EML2: variants seen among roughly 807,000 people sequenced by gnomAD.
The protein encoded by EML2 is echinoderm microtubule-associated protein-like 2.
In EML2, 59 loss-of-function variants were observed where a neutral mutation model predicts 84.7. That is an observed-to-expected ratio of 0.70 (90% CI 0.56 to 0.86). The LOEUF is 0.86. Ranked by LOEUF, EML2 falls within the 40% of genes least tolerant of loss-of-function variation. The pLI is 0.00. For missense variants in EML2, 818 were observed against 855.6 expected, an observed-to-expected ratio of 0.96 and a Z score of 0.55; for synonymous variants, 352 against 348.9, an observed-to-expected ratio of 1.01 and a Z score of -0.10.
upstream of EML2, among the ~76,000 whole-genome samples, chr19:45,644,304 C>T (rs972342311): frequency 6.6e-6 from 1 of 152,112 alleles, no homozygotes; most frequent in Non-Finnish European, 1.5e-5. Context: ...ACTTGTTACA[C>T]GGACACACAG....
Position 45,609,691 on chromosome 19 carries a change from G to C in EML2, c.1922C>G (p.Thr641Ser). ...GACCACCCGCCACTGTAGCACACTG[G>C]TGTCCTTGCCCCCTGTGGTCAGGGC... Reference protein sequence around the residue: ...SMALTTGGKDTSVLQWRVV With the variant: ...SMALTTGGKDSSVLQWRVV Residue 641 changes from threonine (T) to serine (S), a missense_variant, in exon 19 of 19, where the codon ACC (threonine) becomes AGC (serine). Physicochemically the swap from Thr to Ser is moderately conservative, Grantham distance 58. Coordinates refer to ENST00000245925, the MANE Select transcript of EML2 (RefSeq NM_012155.4). 6.2e-7 allele frequency: 1 copy of C among 1,612,598 alleles called. No homozygotes were observed. The highest frequency in any genetic ancestry group is 1.3e-5 in the African/African-American group (1 of 74,886).
In EML2 at chr19:45,633,001, G is replaced by T. The variant is rs373640013; in HGVS notation, c.400-30C>A. ...AGGGAAGAGAGGCTTGTTACCTTGG[G>T]GGTGCCAGCTGCTTGTCCCCCACAA... On this transcript the variant is annotated intron_variant, in intron 5 of 18. Transcript: ENST00000245925. 5.0e-6 allele frequency: 8 copies of T among 1,604,596 alleles called. No individual in the cohort carries two copies. In the African/African-American group the frequency reaches 8.2e-5, roughly 16 times the overall value.
chr19:45,645,181 G>T (rs113848115), upstream of EML2: 3,774 of 1,356,752 alleles, frequency 2.8e-3, 104 homozygotes, highest in African/African-American at 0.049. Flanking sequence ...AGCAAGGGAG[G>T]GGGTTGGGGA....
chr19:45,629,820 A>T, intron 7 of EML2, 131 bp downstream of exon 7: 1 of 714,836 alleles, frequency 1.4e-6, no homozygotes. Context: ...GGCTTGCTCA[A>T]GTCACACAGC....
At chr19:45,644,852 TC>T (rs1489501025), upstream of EML2, 6 of 453,080 alleles carry the variant, frequency 1.3e-5, no homozygotes, top group Non-Finnish European at 2.7e-5. Context: ...CCCTTTCCAG[TC>T]CCACACTCTG....
At chr19:45,644,742 T>C (rs1974901669), upstream of EML2, 6 of 456,088 alleles carry the variant, frequency 1.3e-5, no homozygotes, top group Non-Finnish European at 2.6e-5. Flanking sequence ...CCTTCTGGTA[T>C]CACACCCATT....
chr19:45,623,071 G>A lies in EML2; in HGVS notation c.842-1434C>T, dbSNP rs115870361. On this transcript the variant is annotated intron_variant, in intron 9 of 18. Transcript: ENST00000245925. ...CAAAAAAAAAAAAAAGAGAGAGAGC[G>A]CAGGCTGGCCGAGTGCGGTGGCTGA... is the stretch of plus-strand genomic sequence containing the variant. Among the ~76,000 whole-genome samples the A allele has an allele frequency of 4.7e-3, 705 of 149,960 alleles. 13 individuals carry two copies. The highest frequency in any genetic ancestry group is 0.016 in the African/African-American group (669 of 40,894).
rs1974177823 is a variant in EML2, at chr19:45,639,389, C to A, written c.-13G>T. 3 of 1,258,054 alleles carry A rather than the reference C, an allele frequency of 2.4e-6. No individual in the cohort carries two copies. Among genetic ancestry groups the A allele is most frequent in the Non-Finnish European group, 3.0e-6 (3 of 993,908 alleles). 77.9% of individuals were successfully genotyped at this position (1,258,054 alleles called of 1,614,324 possible). A position where few individuals can be genotyped will look rare whatever the true frequency, so the allele number is the denominator to read the frequency against. On this transcript the variant is annotated 5_prime_UTR_variant, in exon 1 of 19. Coordinates refer to ENST00000245925, the MANE Select transcript of EML2 (RefSeq NM_012155.4). The stretch of plus-strand genomic sequence containing the variant: ...CAAAGCTACTCATGGCGGCGGGTGG[C>A]GGAGCTTCGGGGCCGGGGGTGGAGC...
intron 17 of EML2, 29 bp from the exon 18 acceptor site, chr19:45,613,700 G>A: frequency 1.9e-6 from 3 of 1,603,358 alleles, no homozygotes; most frequent in Non-Finnish European, 2.6e-6. Context: ...GAAGTGGTAA[G>A]ATGTCAGCTG....
Position 45,616,677 on chromosome 19 carries a change from T to TCCACCCC in EML2, c.1411+87_1411+88insGGGGTGG, listed in dbSNP as rs1971116996. The TCCACCCC allele has an allele frequency of 4.2e-6, 6 of 1,432,486 alleles. No homozygotes were observed. In the Admixed American group the frequency reaches 9.2e-5, roughly 22 times the overall value. The allele number at this position is 1,432,486 out of a possible 1,614,324, so 88.7% of individuals were successfully genotyped here. Reference sequence around the variant, plus strand: ...CCACTGCATCCCTCCTAGGCCTCGCTTCGCAGGCTCCACCCCTCCCCCTGC... The same window carrying TCCACCCC: ...CCACTGCATCCCTCCTAGGCCTCGCTCCACCCCTCGCAGGCTCCACCCCTCCCCCTGC... On this transcript the variant is annotated intron_variant, in intron 14 of 18. Coordinates refer to ENST00000245925, the MANE Select transcript of EML2 (RefSeq NM_012155.4).
chr19:45,628,148 G>A (rs1050442166), intron 7 of EML2, among the ~76,000 whole-genome samples: 7 of 151,644 alleles, frequency 4.6e-5, no homozygotes, highest in Non-Finnish European at 1.0e-4. Flanking sequence ...GAGGCAGGCG[G>A]ATCACGAGGT....
intron 18 of EML2, among the ~76,000 whole-genome samples, chr19:45,612,043 T>A (rs1970555588): frequency 6.6e-6 from 1 of 151,306 alleles, no homozygotes; most frequent in Admixed American, 6.6e-5. Flanking sequence ...GGCTAATTTT[T>A]GTATTTTTGT....
At chr19:45,643,346 G>A (rs1454652972), upstream of EML2, among the ~76,000 whole-genome samples, 1 of 152,190 alleles carries the variant, frequency 6.6e-6, no homozygotes, top group Non-Finnish European at 1.5e-5. Context: ...GAAGACCCAA[G>A]GGAGATGCAG....
chr19:45,643,721 C>T (rs889301606), upstream of EML2: 8 of 1,531,712 alleles, frequency 5.2e-6, no homozygotes, highest in African/African-American at 9.6e-5. Context: ...CCTCTGGGCT[C>T]CGCAGTGCAG....
At chr19:45,642,470 A>C, upstream of EML2, 1 of 1,443,996 alleles carries the variant, frequency 6.9e-7, no homozygotes. Flanking sequence ...CTGTCCCGCT[A>C]CCTGGGGCTG....
At chr19:45,637,510 G>C (rs1355889403) in intron 3 of EML2, among the ~76,000 whole-genome samples, 5 of 128,054 alleles carry the variant, frequency 3.9e-5, no homozygotes, top group African/African-American at 6.1e-5. Flanking sequence ...AAGGAGTCTC[G>C]CTCTGTCGCC....
chr19:45,621,722 G>T, intron 9 of EML2, 85 bp from the exon 10 acceptor site: 1 of 1,390,012 alleles, frequency 7.2e-7, no homozygotes, highest in Non-Finnish European at 9.7e-7. Flanking sequence ...TCAAGCCTAT[G>T]TCCATCCATT....
upstream of EML2, chr19:45,642,296 C>G (rs2122846214): frequency 6.5e-7 from 1 of 1,535,910 alleles, no homozygotes; most frequent in Non-Finnish European, 8.7e-7. Context: ...AGCCGCTGCT[C>G]CAGCGCCGAC....
intron 12 of EML2, 99 bp from the exon 13 acceptor site, chr19:45,617,796 G>T: frequency 2.9e-6 from 3 of 1,038,582 alleles, no homozygotes; most frequent in Non-Finnish European, 2.8e-6. Flanking sequence ...TTGCATGAGG[G>T]CTCTCCCCTC....
Sources: allele counts gnomAD v4.1 joint callset (sites outside exome capture counted in the v4.1 genomes callset), GRCh38; gene constraint gnomAD v4.1.1; transcripts MANE v1.5; gene names NCBI Gene and HGNC (gene_info 2026-07-23, HGNC 2026-07-21).